The following LAMP1 variants were observed in gnomAD, a reference collection of about 807,000 sequenced individuals.
LAMP1 encodes the protein lysosome associated membrane protein 1, also known as lysosome-associated membrane glycoprotein 1.
A neutral mutation model predicts 37.5 loss-of-function variants in LAMP1; 7 were observed. That is an observed-to-expected ratio of 0.19 (90% CI 0.11 to 0.35). LAMP1 has a LOEUF of 0.35. Ranked by LOEUF, LAMP1 falls within the 10% of genes least tolerant of loss-of-function variation. The probability of loss-of-function intolerance (pLI) is 1.00; values close to 1 mark genes in which losing one functional copy is unlikely to be tolerated. For missense variants in LAMP1, 537 were observed against 552.8 expected (o/e 0.97, Z 0.29); for synonymous variants, 236 against 229.1 (o/e 1.03, Z -0.27).
At position 113,297,410 on chromosome 13, in the gene LAMP1, G is replaced by T. The variant is rs1166641233; in HGVS notation, c.-25G>T. On this transcript the variant is annotated 5_prime_UTR_variant, in exon 1 of 9. Transcript: ENST00000332556. The surrounding 1 kb of genome is among the most constrained non-coding windows in gnomAD (Gnocchi z 4.4). ...ACCGCCGCCCGCGCCCCCGCTCCCC[G>T]CACCGTACCCGGCCGCCTCGCGCCA... 8.9e-6 allele frequency: 7 copies of T among 787,778 alleles called. No homozygotes were observed. Among genetic ancestry groups the T allele is most frequent in the Non-Finnish European group, 1.0e-5 (6 of 582,416 alleles). The allele number at this position is 787,778 out of a possible 1,614,324, so 48.8% of individuals were successfully genotyped here.
At chr13:113,316,411 A>G (rs1460205278) in intron 4 of LAMP1, among the ~76,000 whole-genome samples, 1 of 128,298 alleles carries the variant, frequency 7.8e-6, no homozygotes, top group Non-Finnish European at 1.6e-5. Flanking sequence ...CTCCCACCCA[A>G]TTTGGCATGA....
Position 113,320,372 on chromosome 13 carries a change from C to T in LAMP1, c.778C>T (p.Pro260Ser), listed in dbSNP as rs769689911. Residue 260 changes from proline (P) to serine (S), a missense_variant, in exon 6 of 9, where the codon CCC becomes TCC. Coordinates refer to ENST00000332556, the MANE Select transcript of LAMP1 (RefSeq NM_005561.4). The surrounding 1 kb of genome is among the most constrained non-coding windows in gnomAD (Gnocchi z 4.4). The part of the protein sequence containing the change: ...TTVTRLLNIN[P>S]NKTSASGSCG... ...GGTGACAAGGCTTCTCAACATCAACCCCAACAAGACCTCGGCCAGCGGGAG... is the reference window on the plus strand; with the variant it reads ...GGTGACAAGGCTTCTCAACATCAACTCCAACAAGACCTCGGCCAGCGGGAG... The T allele has an allele frequency of 1.2e-6, 2 of 1,613,872 alleles. No individual in the cohort carries two copies. Among genetic ancestry groups the T allele is most frequent in the East Asian group, 2.2e-5 (1 of 44,892 alleles).
chr13:113,319,509 G>C lies in LAMP1; in HGVS notation c.603G>C (p.Ala201=), dbSNP rs374933256. The C allele has an allele frequency of 2.5e-6, 4 of 1,613,554 alleles. No individual in the cohort carries two copies. The highest frequency in any genetic ancestry group is 3.4e-6 in the Non-Finnish European group (4 of 1,179,846). Residue 201 remains alanine (A), a synonymous_variant, in exon 5 of 9, where the codon GCG becomes GCC. Coordinates refer to ENST00000332556, the MANE Select transcript of LAMP1 (RefSeq NM_005561.4). ...AAGACAGGCCTTCCCCAACCACAGC[G>C]CCCCCTGCGCCACCCAGCCCCTCGC... The part of the protein sequence containing the change: ...CEQDRPSPTT[A]PPAPPSPSPS...
Position 113,297,894 on chromosome 13 carries a change from C to T in LAMP1, c.61+399C>T, listed in dbSNP as rs372356577. Among the ~76,000 whole-genome samples, 7 of 152,258 alleles carry T rather than the reference C, an allele frequency of 4.6e-5. No homozygotes were observed. The East Asian group carries it at 1.4e-3, about 29-fold the overall frequency. On this transcript the variant is annotated intron_variant, in intron 1 of 8. Transcript: ENST00000332556. This position sits in a 1 kb window ranked among gnomAD's most constrained non-coding sequence, Gnocchi z 4.4. ...GCTGCGCCGCCGAAGGTGGCAGGGA[C>T]GTCTGTGGTCTCAGCTCCCGGGTGG...
At chr13:113,309,211 C>T (rs898699307) in intron 2 of LAMP1, among the ~76,000 whole-genome samples, 2 of 152,112 alleles carry the variant, frequency 1.3e-5, no homozygotes, top group African/African-American at 4.8e-5. Context: ...AGCAATCCTC[C>T]TGCCTCAGCC....
intron 4 of LAMP1, among the ~76,000 whole-genome samples, chr13:113,317,178 G>C (rs1207210911): frequency 1.3e-5 from 2 of 152,152 alleles, no homozygotes; most frequent in African/African-American, 4.8e-5. Context: ...GCTGCTCTCC[G>C]GAGGGTGCTG....
At chr13:113,306,695 C>CA in intron 2 of LAMP1, 89 bp downstream of exon 2, 1 of 1,430,846 alleles carries the variant, frequency 7.0e-7, no homozygotes, top group Non-Finnish European at 9.5e-7. Flanking sequence ...AAAATGGCCC[C>CA]ATCTGAACAT....
chr13:113,316,501 C>T (rs2042665276), intron 4 of LAMP1, among the ~76,000 whole-genome samples: 1 of 150,680 alleles, frequency 6.6e-6, no homozygotes, highest in African/African-American at 2.4e-5. Flanking sequence ...CTGCTCACTG[C>T]AAGCTCCGCC....
rs1213258340 is a variant in LAMP1, at chr13:113,314,824, A to T, written c.562+3957A>T. 1.2e-4 allele frequency among the ~76,000 whole-genome samples: 6 copies of T among 48,684 alleles called. No individual in the cohort carries two copies. The East Asian group carries it at 2.5e-3, about 21-fold the overall frequency. The allele number at this position is 48,684 out of a possible 152,430, so 31.9% of individuals were successfully genotyped here. A position where few individuals can be genotyped will look rare whatever the true frequency, so the allele number is the denominator to read the frequency against. Reference sequence around the variant, plus strand: ...AGAGGGAGTCAGTGTGGAGATGCCCATGTGCCTGGGGCGTGGCCTCCTGGA... The same window carrying T: ...AGAGGGAGTCAGTGTGGAGATGCCCTTGTGCCTGGGGCGTGGCCTCCTGGA... On this transcript the variant is annotated intron_variant, in intron 4 of 8. Transcript: ENST00000332556.
In LAMP1 at chr13:113,309,706, G is replaced by A. The variant is rs754236794; in HGVS notation, c.247G>A (p.Glu83Lys). Residue 83 changes from glutamate to lysine, a missense_variant, in exon 3 of 9, where the codon GAG (glutamate) becomes AAG (lysine). Coordinates refer to ENST00000332556, the MANE Select transcript of LAMP1 (RefSeq NM_005561.4). ...VVLNRSSCGK[E>K]NTSDPSLVIA... is the part of the protein sequence containing the mutation. ...GCTCAACCGCAGCTCCTGTGGAAAA[G>A]AGAACACTTCTGACCCCAGTCTCGT... is the stretch of plus-strand genomic sequence containing the variant. 1.9e-6 allele frequency: 3 copies of A among 1,614,198 alleles called. No individual in the cohort carries two copies. The Admixed American group carries it at 5.0e-5, about 27-fold the overall frequency.
At position 113,319,718 on chromosome 13, in the gene LAMP1, C is replaced by T. The variant is rs1009065022; in HGVS notation, c.750+62C>T. 3 of 1,483,590 alleles carry T rather than the reference C, an allele frequency of 2.0e-6. No individual in the cohort carries two copies. The African/African-American group carries it at 4.2e-5, about 21-fold the overall frequency. The allele number at this position is 1,483,590 out of a possible 1,614,324, so 91.9% of individuals were successfully genotyped here. On this transcript the variant is annotated intron_variant, in intron 5 of 8. Transcript: ENST00000332556. ...ACGGTAGGGCTGGAGCCTCTGCTCCCTGTGCACTGAGAACACGCGTCTCTG... is the reference window on the plus strand; with the variant it reads ...ACGGTAGGGCTGGAGCCTCTGCTCCTTGTGCACTGAGAACACGCGTCTCTG...
chr13:113,316,672 C>T (rs1334729627), intron 4 of LAMP1, among the ~76,000 whole-genome samples: 2 of 152,044 alleles, frequency 1.3e-5, no homozygotes, highest in African/African-American at 2.4e-5. Context: ...CCGCCCGCCT[C>T]GGCCTCCCAA....
In LAMP1 at chr13:113,297,865, C is replaced by G. The variant is rs2042551118; in HGVS notation, c.61+370C>G. Among the ~76,000 whole-genome samples, 1 of 152,232 alleles carries G rather than the reference C, an allele frequency of 6.6e-6. No homozygotes were observed. The highest frequency in any genetic ancestry group is 2.4e-5 in the African/African-American group (1 of 41,558). On this transcript the variant is annotated intron_variant, in intron 1 of 8. Coordinates refer to ENST00000332556, the MANE Select transcript of LAMP1 (RefSeq NM_005561.4). This position sits in a 1 kb window ranked among gnomAD's most constrained non-coding sequence, Gnocchi z 4.4. The stretch of plus-strand genomic sequence containing the variant: ...GCAAGTTGAGGCGGTGAGATCTAGA[C>G]GAGGCTGCGCCGCCGAAGGTGGCAG...
intron 4 of LAMP1, among the ~76,000 whole-genome samples, chr13:113,318,430 C>T (rs546084227): frequency 1.3e-5 from 2 of 152,128 alleles, no homozygotes; most frequent in South Asian, 2.1e-4. Flanking sequence ...TGGAAAGGAT[C>T]GAATTGGGTG....
intron 4 of LAMP1, among the ~76,000 whole-genome samples, chr13:113,315,096 A>G (rs1174328351): frequency 7.1e-6 from 1 of 141,336 alleles, no homozygotes; most frequent in Non-Finnish European, 1.5e-5. Context: ...AGAGGGAACC[A>G]GTGTGGAGAT....
At position 113,297,708 on chromosome 13, in the gene LAMP1, G is replaced by A. The variant is rs1331548343; in HGVS notation, c.61+213G>A. On this transcript the variant is annotated intron_variant, in intron 1 of 8. Coordinates refer to ENST00000332556, the MANE Select transcript of LAMP1 (RefSeq NM_005561.4). The surrounding 1 kb of genome is among the most constrained non-coding windows in gnomAD (Gnocchi z 4.4). ...ATGGCAGGTGCTTGGGGGACCAGGA[G>A]GTCTCATCCCAGGACCTGGCTCCTC... 6.6e-6 allele frequency among the ~76,000 whole-genome samples: 1 copy of A among 152,250 alleles called. No individual in the cohort carries two copies. Among genetic ancestry groups the A allele is most frequent in the African/African-American group, 2.4e-5 (1 of 41,470 alleles).
At chr13:113,306,834 C>CTTTTCTTTTTTT (rs1555311185) in intron 2 of LAMP1, among the ~76,000 whole-genome samples, 1 of 80,142 alleles carries the variant, frequency 1.2e-5, no homozygotes, top group East Asian at 3.9e-4. Flanking sequence ...GAACATTTTC[C>CTTTTCTTTTTTT]TTTTTTTTTT....
At chr13:113,304,863 G>A (rs2042590604) in intron 1 of LAMP1, 1 of 152,034 alleles carries the variant, frequency 6.6e-6, no homozygotes, top group African/African-American at 2.4e-5. Context: ...CACCATGTTG[G>A]GTAGGCTGGT....
chr13:113,319,211 A>T (rs1442291161), intron 4 of LAMP1, among the ~76,000 whole-genome samples: 2 of 152,164 alleles, frequency 1.3e-5, no homozygotes, highest in Non-Finnish European at 2.9e-5. Flanking sequence ...CCCAGGCAGA[A>T]CCGTCCTGGG....
Sources: allele counts gnomAD v4.1 joint callset (sites outside exome capture counted in the v4.1 genomes callset), GRCh38; gene constraint gnomAD v4.1.1; non-coding constraint Gnocchi (gnomAD v3.1); transcripts MANE v1.5; gene names NCBI Gene and HGNC (gene_info 2026-07-23, HGNC 2026-07-21).